Variants in DPP10 observed in about 807,000 individuals in gnomAD.
DPP10 encodes dipeptidyl peptidase like 10.
DPP10 carries 33 observed loss-of-function variants against 120.9 expected under a neutral mutation model. That is an observed-to-expected ratio of 0.27 (90% CI 0.21 to 0.37). The LOEUF (loss-of-function observed/expected upper bound fraction) is 0.37, where lower values mean the gene tolerates loss of function less well. Among genes scored for constraint, DPP10 ranks in the 10% least tolerant of loss-of-function variants. The pLI, the probability that DPP10 is intolerant of heterozygous loss-of-function variation, is 1.00. For missense variants in DPP10, 816 were observed against 942.8 expected, an observed-to-expected ratio of 0.87 and a Z score of 1.76; for synonymous variants, 337 against 326.1, an observed-to-expected ratio of 1.03 and a Z score of -0.36.
intron 7 of DPP10, among the ~76,000 whole-genome samples, chr2:115,699,467 T>G (rs1040745981): frequency 3.9e-5 from 6 of 152,260 alleles, no homozygotes; most frequent in South Asian, 2.1e-4. Context: ...CTGGATGTGT[T>G]GGCAGGCACC....
chr2:114,672,724 G>T (rs1698425659), intron 1 of DPP10, among the ~76,000 whole-genome samples: 1 of 152,132 alleles, frequency 6.6e-6, no homozygotes, highest in Admixed American at 6.6e-5. Flanking sequence ...GTAGGAGATT[G>T]TCTGATTCTT....
At chr2:115,045,780 C>A (rs554851169) in intron 1 of DPP10, among the ~76,000 whole-genome samples, 3 of 152,084 alleles carry the variant, frequency 2.0e-5, no homozygotes, top group Admixed American at 1.3e-4. Context: ...TCTGAAGGTG[C>A]TTTCTTGTGT....
intron 3 of DPP10, among the ~76,000 whole-genome samples, chr2:115,378,048 T>G (rs899304054): frequency 1.4e-4 from 21 of 151,986 alleles, no homozygotes; most frequent in Non-Finnish European, 2.1e-4. Flanking sequence ...TGTTTTTTGG[T>G]TCCATATGAA....
chr2:115,416,811 C>T (rs144640592), intron 3 of DPP10, among the ~76,000 whole-genome samples: 1 of 152,162 alleles, frequency 6.6e-6, no homozygotes, highest in East Asian at 1.9e-4. Flanking sequence ...GGGAGTCAGA[C>T]CAGTTATGAG....
chr2:114,851,024 ATTCTC>A (rs1688907336), intron 1 of DPP10, among the ~76,000 whole-genome samples: 1 of 152,130 alleles, frequency 6.6e-6, no homozygotes, highest in Non-Finnish European at 1.5e-5. Context: ...ATGTGAATGA[ATTCTC>A]TAGAGAGAAT....
intron 1 of DPP10, among the ~76,000 whole-genome samples, chr2:114,948,896 G>A (rs1697564233): frequency 6.6e-6 from 1 of 151,952 alleles, no homozygotes; most frequent in African/African-American, 2.4e-5. Context: ...CAGCAGAAGA[G>A]AGAGAACCAA....
rs369072752 is a variant in DPP10, at chr2:114,784,969, A to T, written c.60+342131A>T. ...TTATTCTCTTAACTAAACGTTTTTC[A>T]AGTCTTCCCCATTCTGGGTGTTGTA... On this transcript the variant is annotated intron_variant, in intron 1 of 25. Coordinates refer to ENST00000410059, the MANE Select transcript of DPP10 (RefSeq NM_020868.6). 2.0e-5 allele frequency among the ~76,000 whole-genome samples: 3 copies of T among 152,166 alleles called. No individual in the cohort carries two copies. The East Asian group carries it at 5.8e-4, about 29-fold the overall frequency.
At chr2:115,156,399 T>A (rs1178733608) in intron 1 of DPP10, among the ~76,000 whole-genome samples, 1 of 152,212 alleles carries the variant, frequency 6.6e-6, no homozygotes, top group East Asian at 1.9e-4. Flanking sequence ...GACTATCTCT[T>A]GTTTTCTAGG....
chr2:114,719,488 G>C (rs1701568307), intron 1 of DPP10, among the ~76,000 whole-genome samples: 1 of 152,160 alleles, frequency 6.6e-6, no homozygotes, highest in Non-Finnish European at 1.5e-5. Context: ...CTCTAACCAG[G>C]ACGAAAGTGG....
chr2:114,771,555 G>A lies in DPP10; in HGVS notation c.60+328717G>A, dbSNP rs114790175. Among the ~76,000 whole-genome samples the A allele has an allele frequency of 1.8e-3, 270 of 152,316 alleles. 2 individuals carry two copies. The highest frequency in any genetic ancestry group is 5.6e-3 in the African/African-American group (234 of 41,568). On this transcript the variant is annotated intron_variant, in intron 1 of 25. Coordinates refer to ENST00000410059, the MANE Select transcript of DPP10 (RefSeq NM_020868.6). The stretch of plus-strand genomic sequence containing the variant: ...AGAGCACAAACGATCTTGTGAAGGC[G>A]ATTGTTTGGATACCAAGAAAGATAA...
intron 1 of DPP10, among the ~76,000 whole-genome samples, chr2:114,957,248 C>T (rs993572796): frequency 4.0e-5 from 6 of 151,638 alleles, no homozygotes; most frequent in Admixed American, 3.3e-4. Flanking sequence ...ATAAATAACC[C>T]ATTGAAAAAT....
At chr2:114,614,244 A>G (rs1220508657) in intron 1 of DPP10, among the ~76,000 whole-genome samples, 5 of 152,176 alleles carry the variant, frequency 3.3e-5, no homozygotes, top group African/African-American at 4.8e-5. Context: ...CAGGTCTTTC[A>G]AAATCTCATT....
At position 114,940,602 on chromosome 2, in the gene DPP10, G is replaced by A. The variant is rs570001689; in HGVS notation, c.61-368637G>A. Among the ~76,000 whole-genome samples the A allele has an allele frequency of 8.6e-5, 13 of 151,720 alleles. 1 individual carries two copies. The highest frequency in any genetic ancestry group is 2.1e-4 in the South Asian group (1 of 4,820). ...GTTTTAATAAGATTCTTGCGGGTTT[G>A]CATTTCTTCAGCCAATACACAGCAT... On this transcript the variant is annotated intron_variant, in intron 1 of 25. Coordinates refer to ENST00000410059, the MANE Select transcript of DPP10 (RefSeq NM_020868.6).
intron 1 of DPP10, among the ~76,000 whole-genome samples, chr2:114,561,093 C>T (rs1212371809): frequency 1.3e-5 from 2 of 152,168 alleles, no homozygotes; most frequent in African/African-American, 4.8e-5. Context: ...TCCACACCAG[C>T]TCCGTCCGCT....
intron 1 of DPP10, among the ~76,000 whole-genome samples, chr2:114,567,821 G>A (rs955352967): frequency 1.3e-5 from 2 of 151,994 alleles, no homozygotes; most frequent in African/African-American, 4.8e-5. Flanking sequence ...GAGAACTCAC[G>A]GACACAGGAA....
At chr2:114,858,285 C>T (rs1689529779) in intron 1 of DPP10, among the ~76,000 whole-genome samples, 2 of 152,132 alleles carry the variant, frequency 1.3e-5, no homozygotes, top group Non-Finnish European at 2.9e-5. Context: ...CACTGTGCCC[C>T]GCCGCCGCTT....
chr2:114,722,308 C>T (rs1701748587), intron 1 of DPP10, among the ~76,000 whole-genome samples: 1 of 152,086 alleles, frequency 6.6e-6, no homozygotes, highest in Non-Finnish European at 1.5e-5. Flanking sequence ...AAATTTCTTC[C>T]ATTGGCCTCA....
At chr2:115,522,936 A>T (rs1428225245) in intron 4 of DPP10, among the ~76,000 whole-genome samples, 1 of 152,170 alleles carries the variant, frequency 6.6e-6, no homozygotes, top group Non-Finnish European at 1.5e-5. Flanking sequence ...CCTGTGGCTG[A>T]AAGAAAGAAT....
intron 7 of DPP10, among the ~76,000 whole-genome samples, chr2:115,724,989 G>T (rs2092731411): frequency 6.6e-6 from 1 of 152,108 alleles, no homozygotes; most frequent in Non-Finnish European, 1.5e-5. Flanking sequence ...GCATGCCCAT[G>T]ACCTAAACAC....
Sources: allele counts gnomAD v4.1 joint callset (sites outside exome capture counted in the v4.1 genomes callset), GRCh38; gene constraint gnomAD v4.1.1; transcripts MANE v1.5; gene names NCBI Gene and HGNC (gene_info 2026-07-23, HGNC 2026-07-21).